KCNQ5: variants seen among roughly 807,000 people sequenced by gnomAD.
KCNQ5 encodes the protein potassium voltage-gated channel subfamily KQT member 5.
KCNQ5 carries 30 observed loss-of-function variants against 98.2 expected under a neutral mutation model. The observed-to-expected ratio is 0.31, with a 90% CI of 0.23 to 0.41. KCNQ5 has a LOEUF of 0.41. KCNQ5 is among the 10% of genes least tolerant of loss of function. The pLI is 1.00. For missense variants in KCNQ5, 835 were observed against 1,182.5 expected (o/e 0.71, Z 4.31); for synonymous variants, 458 against 449.4 (o/e 1.02, Z -0.24).
chr6:73,055,459 T>G (rs148812685), intron 3 of KCNQ5: 29,801 of 1,549,080 alleles, frequency 0.019, 502 homozygotes, highest in African/African-American at 0.08. Context: ...TCCCACCACC[T>G]CCGATGGAGC....
At chr6:72,949,854 A>AT (rs879572913) in intron 1 of KCNQ5, among the ~76,000 whole-genome samples, 2 of 152,082 alleles carry the variant, frequency 1.3e-5, no homozygotes, top group African/African-American at 2.4e-5. Context: ...AATAAACTAA[A>AT]TTTTTTTTAA....
intron 1 of KCNQ5, among the ~76,000 whole-genome samples, chr6:72,850,647 T>C (rs943615631): frequency 1.3e-5 from 2 of 152,210 alleles, no homozygotes; most frequent in Non-Finnish European, 2.9e-5. Context: ...ACCTGTTATG[T>C]AAACATGGAA....
chr6:72,944,568 C>G (rs1056372985), intron 1 of KCNQ5, among the ~76,000 whole-genome samples: 1 of 152,124 alleles, frequency 6.6e-6, no homozygotes, highest in African/African-American at 2.4e-5. Flanking sequence ...AGCCTTTAAT[C>G]CTGGGAAATA....
rs942870341 is a variant in KCNQ5 at position 72,649,122 on chromosome 6, G to A, written c.398+26535G>A. On this transcript the variant is annotated intron_variant, in intron 1 of 13. Transcript: ENST00000370398. ...CAGGCTTTGTCCTGCTCGCAGATGT[G>A]CAACTGTGCATCTATGGACAGCAGT... Among the ~76,000 whole-genome samples the A allele has an allele frequency of 2.6e-5, 4 of 152,122 alleles. No individual in the cohort carries two copies. In the East Asian group the frequency reaches 7.7e-4, roughly 29 times the overall value.
chr6:73,039,333 T>C (rs1771585269), intron 2 of KCNQ5, among the ~76,000 whole-genome samples: 1 of 152,102 alleles, frequency 6.6e-6, no homozygotes, highest in Admixed American at 6.6e-5. Flanking sequence ...TTTTGCTCTT[T>C]TCTATGTTAT....
chr6:73,006,164 G>A (rs752607662), intron 2 of KCNQ5, among the ~76,000 whole-genome samples: 4 of 152,112 alleles, frequency 2.6e-5, no homozygotes, highest in Admixed American at 6.5e-5. Flanking sequence ...AAATCTTAAT[G>A]ATTTAAGTAA....
At chr6:72,642,550 A>G (rs543696991) in intron 1 of KCNQ5, among the ~76,000 whole-genome samples, 2 of 152,192 alleles carry the variant, frequency 1.3e-5, no homozygotes, top group Non-Finnish European at 2.9e-5. Flanking sequence ...AATCAAAACC[A>G]CAATGAGATA....
intron 9 of KCNQ5, among the ~76,000 whole-genome samples, chr6:73,127,561 G>A (rs1776041977): frequency 6.6e-6 from 1 of 152,190 alleles, no homozygotes. Flanking sequence ...TACACAGAGA[G>A]GCTTTTCTTT....
chr6:72,671,876 G>T (rs992801266), intron 1 of KCNQ5, among the ~76,000 whole-genome samples: 1 of 151,198 alleles, frequency 6.6e-6, no homozygotes, highest in African/African-American at 2.4e-5. Context: ...GAGTGCAGTG[G>T]CACGATCTCG....
chr6:73,198,538 T>C lies in KCNQ5; in HGVS notation c.*3124T>C, dbSNP rs1053706549. On this transcript the variant is annotated 3_prime_UTR_variant, in exon 14 of 14. Transcript: ENST00000370398. ...GTAAGGATGATGAAACCTGGCTAAC[T>C]AAATTAATGGATCATTTCACTAAAT... The C allele has an allele frequency of 3.6e-4, 55 of 152,224 alleles. No homozygotes were observed. Among genetic ancestry groups the C allele is most frequent in the African/African-American group, 1.3e-3 (55 of 41,444 alleles). 9.4% of individuals were successfully genotyped at this position (152,224 alleles called of 1,614,324 possible).
At chr6:73,133,376 A>G in intron 9 of KCNQ5, 45 bp from the exon 10 acceptor site, 1 of 1,552,882 alleles carries the variant, frequency 6.4e-7, no homozygotes, top group Admixed American at 1.7e-5. Context: ...AGCAAAGTGG[A>G]AGAAATTGCT....
At chr6:73,169,604 A>G in intron 10 of KCNQ5, 142 bp from the exon 11 acceptor site, 2 of 627,494 alleles carry the variant, frequency 3.2e-6, no homozygotes, top group Non-Finnish European at 5.8e-6. Flanking sequence ...TAATATTGGC[A>G]AGACAATTGG....
At chr6:72,718,864 A>G (rs1363511110) in intron 1 of KCNQ5, among the ~76,000 whole-genome samples, 1 of 152,160 alleles carries the variant, frequency 6.6e-6, no homozygotes, top group African/African-American at 2.4e-5. Flanking sequence ...TTCCATTTTA[A>G]GCCTGCTATT....
intron 1 of KCNQ5, among the ~76,000 whole-genome samples, chr6:72,712,277 CA>C (rs1769409229): frequency 6.6e-6 from 1 of 152,064 alleles, no homozygotes; most frequent in Admixed American, 6.6e-5. Context: ...AAAGAAATAG[CA>C]AAGGAATTGT....
At chr6:73,111,227 C>T in intron 6 of KCNQ5, 81 bp from the exon 7 acceptor site, 1 of 923,542 alleles carries the variant, frequency 1.1e-6, no homozygotes, top group South Asian at 1.4e-5. Context: ...CTCTCAGACT[C>T]ATTTTAGTGA....
intron 1 of KCNQ5, among the ~76,000 whole-genome samples, chr6:72,696,900 C>A (rs1768535122): frequency 6.6e-6 from 1 of 152,136 alleles, no homozygotes; most frequent in Non-Finnish European, 1.5e-5. Flanking sequence ...ATGGTTGACA[C>A]TTCAGTGCCA....
In KCNQ5 at chr6:73,055,717, G is replaced by T. The variant is rs1772455922; in HGVS notation, c.616+13655G>T. The T allele has an allele frequency of 1.3e-5, 14 of 1,107,402 alleles. No individual in the cohort carries two copies. In the South Asian group the frequency reaches 1.6e-4, roughly 13 times the overall value. The allele number at this position is 1,107,402 out of a possible 1,614,324, so 68.6% of individuals were successfully genotyped here. On this transcript the variant is annotated intron_variant, in intron 3 of 13. Transcript: ENST00000370398. ...AAGAGGCTATCATGGAGCTGAACCTGCCAACTGGCATTCTCATTGTCTATG... is the reference window on the plus strand; with the variant it reads ...AAGAGGCTATCATGGAGCTGAACCTTCCAACTGGCATTCTCATTGTCTATG...
chr6:73,055,474 C>A, intron 3 of KCNQ5: 1 of 1,551,402 alleles, frequency 6.4e-7, no homozygotes, highest in Non-Finnish European at 8.9e-7. Flanking sequence ...TGGAGCCCTA[C>A]CATCCTTTCT....
intron 3 of KCNQ5, among the ~76,000 whole-genome samples, chr6:73,069,373 A>C (rs1301558258): frequency 2.0e-5 from 3 of 152,138 alleles, no homozygotes; most frequent in Non-Finnish European, 4.4e-5. Flanking sequence ...ATGGGAGATT[A>C]AACTATATTG....
Sources: gnomAD v4.1 joint callset for allele counts (sites outside exome capture counted in the v4.1 genomes callset) on GRCh38, gnomAD v4.1.1 for gene constraint, MANE v1.5 for transcripts, NCBI Gene and HGNC (gene_info 2026-07-23, HGNC 2026-07-21) for gene names.